CACNG5: variants seen among roughly 807,000 people sequenced by gnomAD.
The protein encoded by CACNG5 is voltage-dependent calcium channel gamma-5 subunit.
Under a neutral mutation model 24.8 loss-of-function variants are expected in CACNG5, and 18 were observed. The ratio of observed to expected loss-of-function variants is 0.73; its 90% CI spans 0.50 to 1.08. The LOEUF is 1.08. Ranked by LOEUF, CACNG5 falls within the 50% of genes least tolerant of loss-of-function variation. CACNG5 has a pLI of 0.00. For missense variants in CACNG5, 349 were observed against 367.9 expected (o/e 0.95, Z 0.42); for synonymous variants, 157 against 149.1 (o/e 1.05, Z -0.39).
chr17:66,853,359 C>G (rs2143052565), intron 1 of CACNG5, among the ~76,000 whole-genome samples: 1 of 152,266 alleles, frequency 6.6e-6, no homozygotes, highest in South Asian at 2.1e-4. Context: ...AGGAGTTCCA[C>G]CTAGGAGTAG....
At chr17:66,882,180 T>A (rs1363960587) in intron 4 of CACNG5, among the ~76,000 whole-genome samples, 1 of 152,008 alleles carries the variant, frequency 6.6e-6, no homozygotes, top group Non-Finnish European at 1.5e-5. Flanking sequence ...ATTTGAGAGG[T>A]AAACTCAACA....
chr17:66,859,027 C>T (rs1342909331), intron 1 of CACNG5, among the ~76,000 whole-genome samples: 2 of 152,168 alleles, frequency 1.3e-5, no homozygotes, highest in Non-Finnish European at 2.9e-5. Flanking sequence ...TGACCTTGGG[C>T]TTCCTCACTC....
Position 66,887,502 on chromosome 17 carries a change from G to T in CACNG5, c.*2262G>T, listed in dbSNP as rs368308553. The stretch of plus-strand genomic sequence containing the variant: ...ATACCAAAACCATGTTCTCCTCACC[G>T]CAAAGTAAAGGAATCAGTTTTTGTG... On this transcript the variant is annotated 3_prime_UTR_variant, in exon 6 of 6. Transcript: ENST00000533854. Among the ~76,000 whole-genome samples the T allele has an allele frequency of 2.0e-5, 3 of 152,218 alleles. No homozygotes were observed. Among genetic ancestry groups the T allele is most frequent in the South Asian group, 4.1e-4 (2 of 4,822 alleles).
intron 1 of CACNG5, among the ~76,000 whole-genome samples, chr17:66,860,429 A>G (rs182982701): frequency 5.3e-5 from 8 of 152,210 alleles, no homozygotes; most frequent in Non-Finnish European, 2.9e-5. Flanking sequence ...ACTCCCCTGT[A>G]AGAGTAAGAA....
intron 1 of CACNG5, among the ~76,000 whole-genome samples, chr17:66,860,207 T>C (rs1338137037): frequency 6.6e-6 from 1 of 152,170 alleles, no homozygotes; most frequent in Non-Finnish European, 1.5e-5. Flanking sequence ...GCTAGATTGC[T>C]GGGTTCAAAT....
In CACNG5 at chr17:66,892,363, A is replaced by G. The variant is rs1200088729; in HGVS notation, c.*7123A>G. On this transcript the variant is annotated 3_prime_UTR_variant, in exon 6 of 6. Transcript: ENST00000533854. ...GAGCCTGCCCCTGGAAAGAGGATAG[A>G]GAACATTCTGGAGCCAACGTGTTCT... is the stretch of plus-strand genomic sequence containing the variant. Among the ~76,000 whole-genome samples, 1 of 152,246 alleles carries G rather than the reference A, an allele frequency of 6.6e-6. No homozygotes were observed. Among genetic ancestry groups the G allele is most frequent in the African/African-American group, 2.4e-5 (1 of 41,474 alleles).
chr17:66,863,790 A>T (rs546643716), intron 1 of CACNG5, among the ~76,000 whole-genome samples: 2 of 152,234 alleles, frequency 1.3e-5, no homozygotes, highest in South Asian at 4.1e-4. Context: ...AATTTTTTTG[A>T]TTCAAGTCTG....
At chr17:66,838,852 T>C (rs951429086) in intron 1 of CACNG5, among the ~76,000 whole-genome samples, 7 of 151,930 alleles carry the variant, frequency 4.6e-5, no homozygotes, top group African/African-American at 1.7e-4. Flanking sequence ...GGCTGCCTTG[T>C]TCTTCTGTTT....
chr17:66,883,180 T>C (rs768301922), intron 4 of CACNG5, among the ~76,000 whole-genome samples: 5 of 152,218 alleles, frequency 3.3e-5, no homozygotes, highest in Admixed American at 6.5e-5. Flanking sequence ...CCACGAAGTC[T>C]ATGAGGTACA....
At chr17:66,877,193 G>A in intron 1 of CACNG5, 37 bp from the exon 2 acceptor site, 1 of 673,580 alleles carries the variant, frequency 1.5e-6, no homozygotes, top group South Asian at 1.9e-5. Context: ...GTTGGGGTTT[G>A]ACTTTAGTTA....
At chr17:66,878,490 T>C (rs932015918) in intron 2 of CACNG5, among the ~76,000 whole-genome samples, 2 of 152,242 alleles carry the variant, frequency 1.3e-5, no homozygotes, top group African/African-American at 4.8e-5. Context: ...CTCTGGCTTC[T>C]TCTGCCTCAG....
At chr17:66,866,664 C>G (rs1437547401) in intron 1 of CACNG5, among the ~76,000 whole-genome samples, 1 of 152,134 alleles carries the variant, frequency 6.6e-6, no homozygotes, top group Admixed American at 6.5e-5. Flanking sequence ...TTTCCCCTCC[C>G]TGTGTCCATG....
intron 1 of CACNG5, among the ~76,000 whole-genome samples, chr17:66,866,990 T>C (rs1368051993): frequency 6.6e-6 from 1 of 152,256 alleles, no homozygotes; most frequent in Non-Finnish European, 1.5e-5. Context: ...TACCCAGTAA[T>C]GGCATTCTTG....
rs1484943422 is a variant in CACNG5 at position 66,869,672 on chromosome 17, GT to G, written c.-103-7556del. Among the ~76,000 whole-genome samples the G allele has an allele frequency of 9.9e-5, 15 of 152,254 alleles. No individual in the cohort carries two copies. In the East Asian group the frequency reaches 2.5e-3, roughly 25 times the overall value. On this transcript the variant is annotated intron_variant, in intron 1 of 5. Transcript: ENST00000533854. ...CCCTCAAGCCCTCTGTCACTGTCAC[GT>G]TCTGGACAAGGCCATGCCTGGAATT...
At chr17:66,838,367 C>T (rs1475110256) in intron 1 of CACNG5, among the ~76,000 whole-genome samples, 1 of 151,378 alleles carries the variant, frequency 6.6e-6, no homozygotes, top group Non-Finnish European at 1.5e-5. Context: ...ATTCCTTGCT[C>T]AGTTGTGCAC....
At chr17:66,875,524 C>G (rs1053221279) in intron 1 of CACNG5, among the ~76,000 whole-genome samples, 1 of 152,182 alleles carries the variant, frequency 6.6e-6, no homozygotes, top group Non-Finnish European at 1.5e-5. Context: ...CCCTCAACCC[C>G]TTCTCACAAA....
At chr17:66,855,089 C>T (rs182064376) in intron 1 of CACNG5, among the ~76,000 whole-genome samples, 11 of 152,308 alleles carry the variant, frequency 7.2e-5, no homozygotes, top group African/African-American at 2.4e-4. Flanking sequence ...AAACAATTGG[C>T]GTTGCCTAGC....
intron 1 of CACNG5, among the ~76,000 whole-genome samples, chr17:66,869,810 G>A (rs1976977399): frequency 6.6e-6 from 1 of 152,198 alleles, no homozygotes; most frequent in African/African-American, 2.4e-5. Flanking sequence ...AAGGCTGGGG[G>A]CGGTGGCTCA....
At position 66,836,385 on chromosome 17, in the gene CACNG5, A is replaced by G. The variant is rs567486700; in HGVS notation, c.-104+1135A>G. Among the ~76,000 whole-genome samples, 140 of 152,192 alleles carry G rather than the reference A, an allele frequency of 9.2e-4. 1 individual carries two copies. Among genetic ancestry groups the G allele is most frequent in the African/African-American group, 3.1e-3 (129 of 41,518 alleles). On this transcript the variant is annotated intron_variant, in intron 1 of 5. Coordinates refer to ENST00000533854, the MANE Select transcript of CACNG5 (RefSeq NM_145811.3). ...CACACCCATTCCCCTCATTTCCACA[A>G]ACCTGAAGTCTTGATCAATTAACAG...
Sources: gnomAD v4.1 joint callset for allele counts (sites outside exome capture counted in the v4.1 genomes callset) on GRCh38, gnomAD v4.1.1 for gene constraint, MANE v1.5 for transcripts, NCBI Gene and HGNC (gene_info 2026-07-23, HGNC 2026-07-21) for gene names.